TBC1D32: variants seen among roughly 807,000 people sequenced by gnomAD.
TBC1D32 encodes the protein protein broad-minded.
A neutral mutation model predicts 170.3 loss-of-function variants in TBC1D32; 151 were observed. That is an observed-to-expected ratio of 0.89 (90% CI 0.78 to 1.01). The LOEUF is 1.01. Among genes scored for constraint, TBC1D32 ranks in the 50% least tolerant of loss-of-function variants. TBC1D32 has a pLI of 0.00. For missense variants in TBC1D32, 1,464 were observed against 1,457.1 expected, an observed-to-expected ratio of 1.00 and a Z score of -0.08; for synonymous variants, 498 against 488.0, an observed-to-expected ratio of 1.02 and a Z score of -0.27.
At chr6:121,084,612 T>C (rs1775995583) in intron 31 of TBC1D32, among the ~76,000 whole-genome samples, 2 of 152,142 alleles carry the variant, frequency 1.3e-5, no homozygotes, top group African/African-American at 4.8e-5. Context: ...AATGTGTCTA[T>C]TTTGAAAAGA....
rs1029099920 is a variant in TBC1D32, at chr6:121,204,296, C to T, written c.2570+779G>A. Among the ~76,000 whole-genome samples the T allele has an allele frequency of 5.3e-5, 8 of 151,112 alleles. 2 individuals carry two copies. Among genetic ancestry groups the T allele is most frequent in the African/African-American group, 1.7e-4 (7 of 40,568 alleles). ...AACACGAAGCTCATCTATTAATATA[C>T]GGTTAAAAGTTAAAAATATACTATC... is the stretch of plus-strand genomic sequence containing the variant. On this transcript the variant is annotated intron_variant, in intron 22 of 31. Transcript: ENST00000398212.
At chr6:121,191,366 C>T (rs1476439008) in intron 22 of TBC1D32, among the ~76,000 whole-genome samples, 2 of 152,164 alleles carry the variant, frequency 1.3e-5, no homozygotes, top group African/African-American at 2.4e-5. Flanking sequence ...AAATTACATA[C>T]AGTAACCACA....
In TBC1D32 at chr6:121,106,013, T is replaced by G. The variant is rs377695087; in HGVS notation, c.3465+10A>C. ...AGGAGTTGGAGAAATGCTACTCCCT[T>G]ATGGATTACCTGTGATGGTGCAAAA... On this transcript the variant is annotated intron_variant, in intron 30 of 31. Transcript: ENST00000398212. 2.5e-6 allele frequency: 4 copies of G among 1,595,424 alleles called. No homozygotes were observed. The Admixed American group carries it at 6.7e-5, about 27-fold the overall frequency.
chr6:121,174,354 C>T (rs1621008), intron 22 of TBC1D32, among the ~76,000 whole-genome samples: 17,734 of 151,668 alleles, frequency 0.12, 1,486 homozygotes, highest in Admixed American at 0.23. Context: ...AAATTCTCCC[C>T]GGGAGAAAAA....
intron 11 of TBC1D32, among the ~76,000 whole-genome samples, chr6:121,294,054 A>G (rs1805257685): frequency 6.6e-6 from 1 of 152,196 alleles, no homozygotes; most frequent in Non-Finnish European, 1.5e-5. Context: ...GAGAAGATTC[A>G]TTTTAGTCAA....
chr6:121,272,742 G>A (rs138131090), intron 15 of TBC1D32, among the ~76,000 whole-genome samples: 5,035 of 151,978 alleles, frequency 0.033, 199 homozygotes, highest in East Asian at 0.12. Context: ...CATTTGACCC[G>A]GCCATCCCCT....
intron 22 of TBC1D32, among the ~76,000 whole-genome samples, chr6:121,175,502 C>T (rs1048715912): frequency 3.9e-5 from 6 of 152,188 alleles, no homozygotes; most frequent in African/African-American, 1.4e-4. Context: ...TGACCAAGCA[C>T]AGCTCATTCC....
At chr6:121,208,108 C>CAAAAAA (rs796335160) in intron 21 of TBC1D32, among the ~76,000 whole-genome samples, 1 of 135,714 alleles carries the variant, frequency 7.4e-6, no homozygotes, top group African/African-American at 2.7e-5. Context: ...ACACACACAC[C>CAAAAAA]AAAAAAAAAA....
At chr6:121,284,221 T>G (rs1348737621) in intron 12 of TBC1D32, among the ~76,000 whole-genome samples, 1 of 152,062 alleles carries the variant, frequency 6.6e-6, no homozygotes, top group African/African-American at 2.4e-5. Flanking sequence ...TTGAGTTTAT[T>G]CAATTAGGAG....
At chr6:121,291,083 G>A (rs1050405175) in intron 12 of TBC1D32, among the ~76,000 whole-genome samples, 14 of 151,828 alleles carry the variant, frequency 9.2e-5, no homozygotes, top group Non-Finnish European at 1.8e-4. Flanking sequence ...TTACCAACAT[G>A]GCACATGTAT....
chr6:121,254,164 CA>C (rs1275489956), intron 17 of TBC1D32, among the ~76,000 whole-genome samples: 1 of 152,114 alleles, frequency 6.6e-6, no homozygotes, highest in Non-Finnish European at 1.5e-5. Flanking sequence ...CATATGTTCT[CA>C]CTTATAAGTG....
rs945769358 is a variant in TBC1D32 at position 121,130,154 on chromosome 6, C to A, written c.2899+1473G>T. Among the ~76,000 whole-genome samples the A allele has an allele frequency of 6.6e-5, 10 of 152,022 alleles. No homozygotes were observed. The East Asian group carries it at 1.7e-3, about 27-fold the overall frequency. ...AAAACTATAGCCCATAAAAAGGAAC[C>A]AAAAACTTTTAGACTCTATTTTTAA... On this transcript the variant is annotated intron_variant, in intron 25 of 31. Coordinates refer to ENST00000398212, the MANE Select transcript of TBC1D32 (RefSeq NM_152730.6).
At chr6:121,210,538 C>T (rs1792899467) in intron 21 of TBC1D32, among the ~76,000 whole-genome samples, 1 of 152,142 alleles carries the variant, frequency 6.6e-6, no homozygotes, top group Admixed American at 6.5e-5. Flanking sequence ...GAAATCTAGC[C>T]TGAAGATACT....
At chr6:121,097,629 G>T (rs1377931244) in intron 30 of TBC1D32, among the ~76,000 whole-genome samples, 1 of 152,132 alleles carries the variant, frequency 6.6e-6, no homozygotes, top group Non-Finnish European at 1.5e-5. Flanking sequence ...GTGGAAGACA[G>T]TGTGGAGATT....
chr6:121,279,070 G>T, intron 15 of TBC1D32, 51 bp downstream of exon 15: 1 of 1,554,304 alleles, frequency 6.4e-7, no homozygotes, highest in South Asian at 1.2e-5. Context: ...CAGCTTGTCA[G>T]AAAACCAAAC....
At chr6:121,316,109 T>C (rs1808905412) in intron 3 of TBC1D32, among the ~76,000 whole-genome samples, 3 of 152,114 alleles carry the variant, frequency 2.0e-5, no homozygotes, top group Non-Finnish European at 4.4e-5. Flanking sequence ...CTTCTAAAAT[T>C]ATGACCCCAT....
At chr6:121,138,252 A>G (rs1782361483) in intron 24 of TBC1D32, among the ~76,000 whole-genome samples, 2 of 152,160 alleles carry the variant, frequency 1.3e-5, no homozygotes, top group South Asian at 4.1e-4. Flanking sequence ...CATATCTTAC[A>G]TAGATTATTC....
At chr6:121,161,155 T>A in intron 22 of TBC1D32, 99 bp from the exon 23 acceptor site, 1 of 817,746 alleles carries the variant, frequency 1.2e-6, no homozygotes, top group Non-Finnish European at 1.9e-6. Flanking sequence ...GGCAAAAATA[T>A]TTATCAATCT....
rs1248778136 is a variant in TBC1D32, at chr6:121,321,688, A to G, written c.262T>C (p.Cys88Arg). The stretch of plus-strand genomic sequence containing the variant: ...TGCTGTACAACTGTATCATAGCCGC[A>G]TTCTTCACCCTGATTCCGATCAGAT... The part of the protein sequence containing the change: ...CTSDRNQGEE[C>R]GYDTVVQQVT... The change falls in exon 2 of 32, where the codon TGC (cysteine) becomes CGC (arginine). Residue 88 changes from cysteine to arginine, a missense_variant. Around this residue, in one of 3 missense-constraint regions of TBC1D32, gnomAD observed 1,363 missense variants for 1,338.1 expected, o/e 1.02. Transcript: ENST00000398212. 6.2e-7 allele frequency: 1 copy of G among 1,613,948 alleles called. No homozygotes were observed. The highest frequency in any genetic ancestry group is 8.5e-7 in the Non-Finnish European group (1 of 1,179,986).
Sources: gnomAD v4.1 joint callset for allele counts (sites outside exome capture counted in the v4.1 genomes callset) on GRCh38, gnomAD v4.1.1 for gene constraint, gnomAD v4.1.1 regional missense constraint, MANE v1.5 for transcripts, NCBI Gene and HGNC (gene_info 2026-07-23, HGNC 2026-07-21) for gene names.